The following GLI3 variants were observed in gnomAD, a reference collection of about 807,000 sequenced individuals.
GLI3 encodes the protein transcription activator GLI3.
GLI3 carries 20 observed loss-of-function variants against 100.8 expected under a neutral mutation model. That is an observed-to-expected ratio of 0.20 (90% confidence interval 0.14 to 0.29). The LOEUF is 0.29. Ranked by LOEUF, GLI3 falls within the 10% of genes least tolerant of loss-of-function variation. GLI3 has a pLI of 1.00. For synonymous variants in GLI3, 938 were observed against 860.5 expected, an observed-to-expected ratio of 1.09 and a Z score of -1.58; for missense variants, 2,040 against 2,128.5, an observed-to-expected ratio of 0.96 and a Z score of 0.82.
At chr7:42,027,681 G>C (rs1363367415) in intron 7 of GLI3, among the ~76,000 whole-genome samples, 1 of 152,172 alleles carries the variant, frequency 6.6e-6, no homozygotes, top group Non-Finnish European at 1.5e-5. Context: ...CATTCCTGCA[G>C]AGAACCTTAC....
chr7:41,975,837 A>G (rs1787494455), intron 12 of GLI3, among the ~76,000 whole-genome samples: 1 of 152,214 alleles, frequency 6.6e-6, no homozygotes, highest in Non-Finnish European at 1.5e-5. Context: ...CCTAACATCT[A>G]TAGGAATGAA....
chr7:42,037,450 C>A (rs1451900718), intron 7 of GLI3, among the ~76,000 whole-genome samples: 4 of 152,178 alleles, frequency 2.6e-5, no homozygotes. Flanking sequence ...ACTAGCACTC[C>A]TCCAGCTAAA....
At chr7:42,036,145 G>A (rs1789431530) in intron 7 of GLI3, among the ~76,000 whole-genome samples, 1 of 152,128 alleles carries the variant, frequency 6.6e-6, no homozygotes, top group South Asian at 2.1e-4. Context: ...ATAAACAAAA[G>A]AACCACACAC....
chr7:42,139,619 C>A (rs111445468), intron 3 of GLI3, among the ~76,000 whole-genome samples: 4,021 of 152,076 alleles, frequency 0.026, 129 homozygotes, highest in African/African-American at 0.08. Flanking sequence ...GCAGAGGTTG[C>A]GGTGAGCCGA....
intron 3 of GLI3, among the ~76,000 whole-genome samples, chr7:42,112,144 A>G (rs182301038): frequency 6.2e-4 from 94 of 152,298 alleles, no homozygotes; most frequent in African/African-American, 2.2e-3. Flanking sequence ...GTCTATGATA[A>G]TATCATGGAC....
rs867052713 is a variant in GLI3, at chr7:42,089,455, T to A, written c.368-12598A>T. ...GACCAAATTGATGGCAACCTACTGG[T>A]CATCTTGACACCAATATATACTTGT... On this transcript the variant is annotated intron_variant, in intron 3 of 14. Coordinates refer to ENST00000395925, the MANE Select transcript of GLI3 (RefSeq NM_000168.6). Among the ~76,000 whole-genome samples the A allele has an allele frequency of 3.9e-5, 6 of 152,334 alleles. No homozygotes were observed. In the South Asian group the frequency reaches 1.2e-3, roughly 32 times the overall value.
At chr7:42,182,854 C>A (rs533263201) in intron 2 of GLI3, among the ~76,000 whole-genome samples, 1 of 151,458 alleles carries the variant, frequency 6.6e-6, no homozygotes, top group African/African-American at 2.4e-5. Context: ...GGGCAAAGTG[C>A]GCAGATCGTT....
At position 41,976,762 on chromosome 7, in the gene GLI3, C is replaced by T. The variant is rs1787524422; in HGVS notation, c.1812+796G>A. Among the ~76,000 whole-genome samples the T allele has an allele frequency of 3.3e-5, 5 of 152,318 alleles. No homozygotes were observed. In the South Asian group the frequency reaches 1.0e-3, roughly 32 times the overall value. Reference sequence around the variant, plus strand: ...GAGTCCTTTTGTTAATCTCTCAATACATTCAAGAGAAGATTTCACAGACAA... The same window carrying T: ...GAGTCCTTTTGTTAATCTCTCAATATATTCAAGAGAAGATTTCACAGACAA... On this transcript the variant is annotated intron_variant, in intron 12 of 14. Coordinates refer to ENST00000395925, the MANE Select transcript of GLI3 (RefSeq NM_000168.6).
rs77084911 is a variant in GLI3, at chr7:42,040,226, G to C, written c.840C>G (p.Ser280=). The change falls in exon 7 of 15, where the codon TCC becomes TCG. Residue 280 remains serine, a synonymous_variant. Transcript: ENST00000395925. ...TCGGCCTGGCTGACAGCCTGGGGCT[G>C]GAGAATCTGGTGCCTGTTATATAAA... ...YLHAMDSTRF[S]SPRLSARPSR... The C allele has an allele frequency of 2.9e-3, 4,694 of 1,612,848 alleles. 8 individuals are homozygous for C. The highest frequency in any genetic ancestry group is 3.6e-3 in the Non-Finnish European group (4,213 of 1,178,878).
At chr7:41,987,921 T>G (rs552379505) in intron 10 of GLI3, among the ~76,000 whole-genome samples, 1 of 152,340 alleles carries the variant, frequency 6.6e-6, no homozygotes, top group African/African-American at 2.4e-5. Flanking sequence ...AGGCTCAAAC[T>G]CATATAAATA....
Position 41,972,256 on chromosome 7 carries a change from G to A in GLI3, c.2103+81C>T. 2.3e-6 allele frequency: 3 copies of A among 1,283,554 alleles called. No individual in the cohort carries two copies. Among genetic ancestry groups the A allele is most frequent in the South Asian group, 1.2e-5 (1 of 83,914 alleles). 79.5% of individuals were successfully genotyped at this position (1,283,554 alleles called of 1,614,324 possible). On this transcript the variant is annotated intron_variant, in intron 13 of 14. Transcript: ENST00000395925. This position sits in a 1 kb window ranked among gnomAD's most constrained non-coding sequence, Gnocchi z 4.4. ...GACAGCCTGACACAGTGAGGACCGG[G>A]AAGTCCTGTCCCTCTATGCACCCTA...
intron 1 of GLI3, among the ~76,000 whole-genome samples, chr7:42,253,404 A>C (rs1221191496): frequency 6.6e-6 from 1 of 152,194 alleles, no homozygotes; most frequent in Non-Finnish European, 1.5e-5. Flanking sequence ...TCCTCCTGGG[A>C]TGGGGATACA....
intron 1 of GLI3, among the ~76,000 whole-genome samples, chr7:42,244,026 G>T (rs1404426910): frequency 2.0e-5 from 3 of 152,130 alleles, no homozygotes; most frequent in Non-Finnish European, 4.4e-5. Context: ...TAGAGACGGG[G>T]TTTTACCATG....
intron 1 of GLI3, among the ~76,000 whole-genome samples, chr7:42,250,165 T>C (rs1183098065): frequency 1.3e-5 from 2 of 152,190 alleles, no homozygotes; most frequent in Non-Finnish European, 2.9e-5. Context: ...TTACCCACTG[T>C]AGCACTGAAG....
At chr7:42,170,273 TATATATATATATATACACACAC>T (rs1301033202) in intron 2 of GLI3, among the ~76,000 whole-genome samples, 1 of 145,862 alleles carries the variant, frequency 6.9e-6, no homozygotes, top group Non-Finnish European at 1.5e-5. Flanking sequence ...AAATTATATA[TATATATATATATATACACACAC>T]ATATGTATAT....
intron 3 of GLI3, among the ~76,000 whole-genome samples, chr7:42,079,972 G>A (rs145925314): frequency 1.3e-3 from 197 of 152,314 alleles, no homozygotes; most frequent in African/African-American, 4.5e-3. Context: ...CGTGTATGGA[G>A]TGAAGACCAA....
intron 3 of GLI3, among the ~76,000 whole-genome samples, chr7:42,144,516 C>A (rs369055909): frequency 6.6e-6 from 1 of 152,046 alleles, no homozygotes; most frequent in African/African-American, 2.4e-5. Context: ...TTTGAAGTGC[C>A]CGCTGTCCCT....
intron 3 of GLI3, among the ~76,000 whole-genome samples, chr7:42,088,334 G>A (rs1411363230): frequency 1.3e-5 from 2 of 152,202 alleles, no homozygotes; most frequent in Non-Finnish European, 2.9e-5. Flanking sequence ...GCTGCCTGCA[G>A]GCTGGTTCAG....
intron 2 of GLI3, among the ~76,000 whole-genome samples, chr7:42,165,318 C>A (rs1787219919): frequency 1.3e-5 from 2 of 152,118 alleles, no homozygotes; most frequent in Admixed American, 1.3e-4. Context: ...AGCAAAAGTT[C>A]TGGTATAATA....
Sources: allele counts gnomAD v4.1 joint callset (sites outside exome capture counted in the v4.1 genomes callset), GRCh38; gene constraint gnomAD v4.1.1; non-coding constraint Gnocchi (gnomAD v3.1); transcripts MANE v1.5; gene names NCBI Gene and HGNC (gene_info 2026-07-23, HGNC 2026-07-21).